Variants in EDIL3 observed in about 807,000 individuals in gnomAD.
The protein encoded by EDIL3 is EGF-like repeat and discoidin I-like domain-containing protein 3.
EDIL3 carries 37 observed loss-of-function variants against 67.4 expected under a neutral mutation model. The ratio of observed to expected loss-of-function variants is 0.55; its 90% CI spans 0.42 to 0.72. EDIL3 has a LOEUF of 0.72. EDIL3 is among the 30% of genes least tolerant of loss of function. EDIL3 has a pLI of 0.00. For synonymous variants in EDIL3, 195 were observed against 196.3 expected, an observed-to-expected ratio of 0.99 and a Z score of 0.05; for missense variants, 527 against 586.3, an observed-to-expected ratio of 0.90 and a Z score of 1.04.
chr5:84,353,016 C>A (rs2112191535), intron 1 of EDIL3, among the ~76,000 whole-genome samples: 1 of 152,102 alleles, frequency 6.6e-6, no homozygotes, highest in South Asian at 2.1e-4. Context: ...TTCTTAGAGG[C>A]AACAGTCAGG....
intron 9 of EDIL3, among the ~76,000 whole-genome samples, chr5:84,040,065 A>G (rs918114707): frequency 6.6e-6 from 1 of 152,172 alleles, no homozygotes; most frequent in African/African-American, 2.4e-5. Context: ...TTTAGCAAAT[A>G]AGAATATTGA....
chr5:84,062,340 C>T (rs1329771050), intron 8 of EDIL3, among the ~76,000 whole-genome samples: 1 of 152,058 alleles, frequency 6.6e-6, no homozygotes, highest in Non-Finnish European at 1.5e-5. Context: ...TCCCACCCCC[C>T]AAGTCTTTGA....
chr5:83,956,302 A>G (rs2112122572), intron 10 of EDIL3, among the ~76,000 whole-genome samples: 1 of 151,798 alleles, frequency 6.6e-6, no homozygotes, highest in African/African-American at 2.4e-5. Context: ...TTAAACATGG[A>G]AATGGAAGCA....
intron 1 of EDIL3, among the ~76,000 whole-genome samples, chr5:84,288,927 G>C (rs1745861635): frequency 6.6e-6 from 1 of 151,726 alleles, no homozygotes; most frequent in African/African-American, 2.4e-5. Flanking sequence ...TAAAATAAGT[G>C]CTCGAGAATA....
At chr5:84,232,933 G>A (rs1028457418) in intron 2 of EDIL3, among the ~76,000 whole-genome samples, 2 of 152,060 alleles carry the variant, frequency 1.3e-5, no homozygotes, top group Non-Finnish European at 2.9e-5. Flanking sequence ...ACATTTCTGC[G>A]AAACAAGTAT....
intron 1 of EDIL3, among the ~76,000 whole-genome samples, chr5:84,299,411 A>C (rs1746112264): frequency 6.6e-6 from 1 of 151,816 alleles, no homozygotes; most frequent in African/African-American, 2.4e-5. Flanking sequence ...CAAGTATAAA[A>C]CTCTGAAAAT....
At chr5:84,064,671 A>C (rs958608912) in intron 8 of EDIL3, 29 bp downstream of exon 8, 1 of 1,594,952 alleles carries the variant, frequency 6.3e-7, no homozygotes, top group Non-Finnish European at 8.5e-7. Context: ...CTTTAAATAG[A>C]ATACAGAAAT....
intron 4 of EDIL3, among the ~76,000 whole-genome samples, chr5:84,152,103 A>G (rs558124967): frequency 7.2e-4 from 110 of 151,998 alleles, no homozygotes; most frequent in African/African-American, 2.6e-3. Context: ...TATTCTTAGT[A>G]GAGGCGGGGT....
intron 1 of EDIL3, among the ~76,000 whole-genome samples, chr5:84,305,152 T>C (rs887478829): frequency 2.0e-5 from 3 of 152,148 alleles, no homozygotes; most frequent in African/African-American, 7.2e-5. Flanking sequence ...AATTAACAAA[T>C]CCAGGGCTTA....
intron 4 of EDIL3, among the ~76,000 whole-genome samples, chr5:84,151,684 T>G (rs1039029338): frequency 3.3e-5 from 5 of 152,310 alleles, no homozygotes; most frequent in East Asian, 3.9e-4. Context: ...AGGTTGAATT[T>G]GTTTTTGTTA....
intron 5 of EDIL3, among the ~76,000 whole-genome samples, chr5:84,134,545 A>T (rs1748054239): frequency 6.6e-6 from 1 of 152,204 alleles, no homozygotes; most frequent in Admixed American, 6.6e-5. Context: ...GTAGGTGCTT[A>T]TATGTACCCC....
intron 2 of EDIL3, among the ~76,000 whole-genome samples, chr5:84,234,020 T>G (rs1423281668): frequency 6.6e-6 from 1 of 152,204 alleles, no homozygotes; most frequent in Non-Finnish European, 1.5e-5. Flanking sequence ...ATACTGTGTA[T>G]TATTTGAGTT....
At chr5:83,982,984 C>T (rs1269848021) in intron 9 of EDIL3, among the ~76,000 whole-genome samples, 1 of 152,172 alleles carries the variant, frequency 6.6e-6, no homozygotes, top group Non-Finnish European at 1.5e-5. Flanking sequence ...TGAGTGGCTG[C>T]AACAGCAGCC....
At chr5:83,954,989 G>A (rs1053647701) in intron 10 of EDIL3, among the ~76,000 whole-genome samples, 13 of 151,696 alleles carry the variant, frequency 8.6e-5, no homozygotes, top group Non-Finnish European at 1.9e-4. Flanking sequence ...GGAGCTAATC[G>A]CTAATCAATA....
intron 1 of EDIL3, among the ~76,000 whole-genome samples, chr5:84,327,890 C>T (rs1746795630): frequency 6.6e-6 from 1 of 151,954 alleles, no homozygotes; most frequent in Non-Finnish European, 1.5e-5. Flanking sequence ...CCTCCTTCGC[C>T]CCTTGAGAGA....
intron 1 of EDIL3, among the ~76,000 whole-genome samples, chr5:84,287,439 T>C (rs1407785089): frequency 6.6e-6 from 1 of 152,190 alleles, no homozygotes; most frequent in African/African-American, 2.4e-5. Flanking sequence ...TTTCAGATTC[T>C]GAATAATTTG....
chr5:84,333,798 G>T (rs1348707479), intron 1 of EDIL3, among the ~76,000 whole-genome samples: 2 of 152,006 alleles, frequency 1.3e-5, no homozygotes, highest in East Asian at 3.9e-4. Flanking sequence ...ATAAAAATAA[G>T]TAATTTATTA....
intron 9 of EDIL3, among the ~76,000 whole-genome samples, chr5:84,045,910 C>A (rs987812672): frequency 2.0e-5 from 3 of 152,128 alleles, no homozygotes; most frequent in African/African-American, 7.2e-5. Flanking sequence ...AAGTGAACTA[C>A]CTATTATTAT....
intron 9 of EDIL3, among the ~76,000 whole-genome samples, chr5:84,052,951 A>G (rs1746370112): frequency 6.6e-6 from 1 of 152,220 alleles, no homozygotes; most frequent in Non-Finnish European, 1.5e-5. Context: ...CTCTGCACCA[A>G]GTGGACCTAA....
Sources: allele counts gnomAD v4.1 joint callset (sites outside exome capture counted in the v4.1 genomes callset), GRCh38; gene constraint gnomAD v4.1.1; transcripts MANE v1.5; gene names NCBI Gene and HGNC (gene_info 2026-07-23, HGNC 2026-07-21).